Variants in SPAG16 observed in about 807,000 individuals in gnomAD.
The protein encoded by SPAG16 is sperm associated antigen 16.
SPAG16 carries 86 observed loss-of-function variants against 80.4 expected under a neutral mutation model. That is an observed-to-expected ratio of 1.07 (90% CI 0.90 to 1.28). SPAG16 has a LOEUF of 1.28. Ranked by LOEUF, SPAG16 falls within the 50% of genes most tolerant of loss-of-function variation. The pLI is 0.00. For missense variants in SPAG16, 870 were observed against 765.3 expected (o/e 1.14, Z -1.61); for synonymous variants, 294 against 265.9 (o/e 1.11, Z -1.03).
intron 10 of SPAG16, among the ~76,000 whole-genome samples, chr2:213,530,069 A>G (rs1037706375): frequency 6.6e-6 from 1 of 152,178 alleles, no homozygotes; most frequent in Non-Finnish European, 1.5e-5. Context: ...ATCTCCTGTG[A>G]TAATAATGCC....
At chr2:214,374,570 C>T (rs771675842) in intron 15 of SPAG16, among the ~76,000 whole-genome samples, 4 of 152,118 alleles carry the variant, frequency 2.6e-5, no homozygotes, top group East Asian at 1.9e-4. Context: ...TCAAATAGAA[C>T]GGAGTGAAGC....
At chr2:213,717,962 G>A (rs551877445) in intron 10 of SPAG16, among the ~76,000 whole-genome samples, 16 of 151,972 alleles carry the variant, frequency 1.1e-4, no homozygotes, top group Admixed American at 7.9e-4. Flanking sequence ...ACTAAAACAC[G>A]AAAAGCAATG....
At chr2:213,735,096 C>T (rs1051487445) in intron 10 of SPAG16, among the ~76,000 whole-genome samples, 1 of 152,108 alleles carries the variant, frequency 6.6e-6, no homozygotes, top group Non-Finnish European at 1.5e-5. Context: ...TTTACCCCTT[C>T]CCCATAAACC....
At chr2:214,010,011 A>G (rs1484584387) in intron 12 of SPAG16, among the ~76,000 whole-genome samples, 1 of 118,300 alleles carries the variant, frequency 8.5e-6, no homozygotes, top group Admixed American at 7.5e-5. Flanking sequence ...TAAAGATATG[A>G]AATCAATAAT....
chr2:213,916,511 C>T (rs1341043663), intron 11 of SPAG16, among the ~76,000 whole-genome samples: 1 of 152,196 alleles, frequency 6.6e-6, no homozygotes, highest in Non-Finnish European at 1.5e-5. Context: ...CTTTGGGTTA[C>T]TGTAGCCTTG....
At chr2:213,788,003 C>G (rs1388071309) in intron 10 of SPAG16, among the ~76,000 whole-genome samples, 1 of 151,898 alleles carries the variant, frequency 6.6e-6, no homozygotes, top group Admixed American at 6.6e-5. Context: ...ATCATAAGAG[C>G]TGGTGTTGTT....
intron 10 of SPAG16, among the ~76,000 whole-genome samples, chr2:213,657,188 A>G (rs1398321064): frequency 6.6e-6 from 1 of 152,202 alleles, no homozygotes; most frequent in Non-Finnish European, 1.5e-5. Flanking sequence ...TTAAAAACTT[A>G]AAATTAATGG....
At position 213,511,997 on chromosome 2, in the gene SPAG16, AAAAT is replaced by A. The variant is rs1427236129; in HGVS notation, c.1070+21911_1070+21914del. Reference sequence around the variant, plus strand: ...ATGTCTAATTTTTCTCCTCTGGAGAAAAATAAAATAAAATATATTACACCCCTTT... The same window carrying A: ...ATGTCTAATTTTTCTCCTCTGGAGAAAAAATAAAATATATTACACCCCTTT... On this transcript the variant is annotated intron_variant, in intron 10 of 15. Coordinates refer to ENST00000331683, the MANE Select transcript of SPAG16 (RefSeq NM_024532.5). Among the ~76,000 whole-genome samples the A allele has an allele frequency of 4.6e-5, 7 of 152,238 alleles. No individual in the cohort carries two copies. The East Asian group carries it at 1.4e-3, about 29-fold the overall frequency.
At chr2:213,607,362 T>G (rs530879678) in intron 10 of SPAG16, among the ~76,000 whole-genome samples, 1 of 152,348 alleles carries the variant, frequency 6.6e-6, no homozygotes, top group South Asian at 2.1e-4. Context: ...ATCCATATTT[T>G]CTCAGTGCCT....
chr2:213,507,393 T>A (rs2125798151), intron 10 of SPAG16, among the ~76,000 whole-genome samples: 1 of 152,312 alleles, frequency 6.6e-6, no homozygotes, highest in South Asian at 2.1e-4. Context: ...TTTGGCAATA[T>A]TCATCAAATA....
chr2:213,710,409 G>T (rs138275730), intron 10 of SPAG16, among the ~76,000 whole-genome samples: 46 of 152,156 alleles, frequency 3.0e-4, no homozygotes, highest in African/African-American at 8.0e-4. Context: ...TAAGCGTAAG[G>T]TATCTTAAGT....
At chr2:214,011,033 C>G (rs1484681925) in intron 12 of SPAG16, among the ~76,000 whole-genome samples, 1 of 145,468 alleles carries the variant, frequency 6.9e-6, no homozygotes, top group Non-Finnish European at 1.5e-5. Flanking sequence ...ATCTACGTGA[C>G]TTTCAGCAAT....
rs1351782943 is a variant in SPAG16 at position 213,422,407 on chromosome 2, G to A, written c.942+47288G>A. ...TGCAGCAGCTGGCATGCCTGGCTGT[G>A]CACAGTGGCTGGACCTGGTTCTCAC... is the stretch of plus-strand genomic sequence containing the variant. On this transcript the variant is annotated intron_variant, in intron 9 of 15. Coordinates refer to ENST00000331683, the MANE Select transcript of SPAG16 (RefSeq NM_024532.5). 4.6e-6 allele frequency: 3 copies of A among 648,728 alleles called. No homozygotes were observed. The African/African-American group carries it at 5.3e-5, about 12-fold the overall frequency. The allele number at this position is 648,728 out of a possible 1,614,324, so 40.2% of individuals were successfully genotyped here. A position where few individuals can be genotyped will look rare whatever the true frequency, so the allele number is the denominator to read the frequency against.
chr2:214,126,039 CTTCCTTCCTTCCTTCCTTCCT>C (rs1477658539), intron 14 of SPAG16, among the ~76,000 whole-genome samples: 5,337 of 18,522 alleles, frequency 0.29, 489 homozygotes, highest in South Asian at 0.42. Flanking sequence ...TCCTTCCTTC[CTTCCTTCCTTCCTTCCTTCCT>C]TTTTTTTTTT....
chr2:214,267,447 A>G (rs1691658179), intron 15 of SPAG16, among the ~76,000 whole-genome samples: 1 of 151,842 alleles, frequency 6.6e-6, no homozygotes, highest in Non-Finnish European at 1.5e-5. Context: ...ATTCATATAC[A>G]GAAGAATAAA....
chr2:214,079,103 A>C (rs1387507049), intron 13 of SPAG16, among the ~76,000 whole-genome samples: 1 of 152,152 alleles, frequency 6.6e-6, no homozygotes, highest in Non-Finnish European at 1.5e-5. Flanking sequence ...GGTACATCTA[A>C]GATAGTCAAG....
rs140009796 is a variant in SPAG16 at position 214,358,260 on chromosome 2, A to G, written c.1721-51880A>G. ...CATCTCTGATCCGACCCTTGCATCT[A>G]CCCAAGCTTGGTTTTCTTTCCCCAG... is the stretch of plus-strand genomic sequence containing the variant. On this transcript the variant is annotated intron_variant, in intron 15 of 15. Coordinates refer to ENST00000331683, the MANE Select transcript of SPAG16 (RefSeq NM_024532.5). Among the ~76,000 whole-genome samples, 5 of 151,896 alleles carry G rather than the reference A, an allele frequency of 3.3e-5. No homozygotes were observed. In the East Asian group the frequency reaches 9.7e-4, roughly 29 times the overall value.
chr2:213,603,880 C>A (rs1461126211), intron 10 of SPAG16, among the ~76,000 whole-genome samples: 1 of 150,500 alleles, frequency 6.6e-6, no homozygotes, highest in African/African-American at 2.4e-5. Flanking sequence ...TAACCACTTT[C>A]TTTTCTCTTT....
intron 9 of SPAG16, chr2:213,396,484 C>A: frequency 4.6e-6 from 1 of 219,254 alleles, no homozygotes; most frequent in Non-Finnish European, 9.6e-6. Flanking sequence ...AATAAATAAG[C>A]TTGTTCCTTT....
Sources: gnomAD v4.1 joint callset for allele counts (sites outside exome capture counted in the v4.1 genomes callset) on GRCh38, gnomAD v4.1.1 for gene constraint, MANE v1.5 for transcripts, NCBI Gene and HGNC (gene_info 2026-07-23, HGNC 2026-07-21) for gene names.